TMEM239: variants seen among roughly 807,000 people sequenced by gnomAD.
TMEM239 encodes transmembrane protein 239.
In TMEM239, 10 loss-of-function variants were observed where a neutral mutation model predicts 14.6. The observed-to-expected ratio is 0.68, with a 90% CI of 0.42 to 1.16. The LOEUF is 1.16. Ranked by LOEUF, TMEM239 falls within the 50% of genes most tolerant of loss-of-function variation. The pLI is 0.00. For synonymous variants in TMEM239, 94 were observed against 89.9 expected, an observed-to-expected ratio of 1.05 and a Z score of -0.26; for missense variants, 183 against 194.4, an observed-to-expected ratio of 0.94 and a Z score of 0.35.
At position 2,817,342 on chromosome 20, in the gene TMEM239, A is replaced by AC; in HGVS notation, c.*329_*330insC. ...ATGATACCCGTGGGGCCCCCTTGGC[A>AC]ACTGACAGCATCTTTTTCTCATAGC... On this transcript the variant is annotated 3_prime_UTR_variant, in exon 2 of 2. Coordinates refer to ENST00000380585, the MANE Select transcript of TMEM239 (RefSeq NM_001167670.3). The AC allele has an allele frequency of 9.6e-5, 48 of 499,128 alleles. No homozygotes were observed. Among genetic ancestry groups the AC allele is most frequent in the Admixed American group, 3.2e-4 (9 of 27,872 alleles). The allele number at this position is 499,128 out of a possible 1,614,324, so 30.9% of individuals were successfully genotyped here.
chr20:2,816,395 G>A lies in TMEM239; in HGVS notation c.-32G>A. 6.5e-7 allele frequency: 1 copy of A among 1,535,876 alleles called. No homozygotes were observed. The highest frequency in any genetic ancestry group is 8.7e-7 in the Non-Finnish European group (1 of 1,146,860). ...TCCTGGGCGCTGCAGGAAGCAACAT[G>A]ACTTAGGTAACTGCCCAGAGGTAAG... On this transcript the variant is annotated 5_prime_UTR_variant, in exon 1 of 2. The change abolishes an upstream ATG in the 5' untranslated region. Coordinates refer to ENST00000380585, the MANE Select transcript of TMEM239 (RefSeq NM_001167670.3).
rs1331325224 is a variant in TMEM239 at position 2,817,444 on chromosome 20, T to C, written c.*431T>C. 1 of 258,050 alleles carries C rather than the reference T, an allele frequency of 3.9e-6. No individual in the cohort carries two copies. The highest frequency in any genetic ancestry group is 7.4e-6 in the Non-Finnish European group (1 of 134,468). The allele number at this position is 258,050 out of a possible 1,614,324, so 16.0% of individuals were successfully genotyped here. On this transcript the variant is annotated 3_prime_UTR_variant, in exon 2 of 2. Transcript: ENST00000380585. ...CTGGCCTTGCCATTCCTCCCACCAATCCCCTCTTTCCACTTCCAGGAGAAC... is the reference window on the plus strand; with the variant it reads ...CTGGCCTTGCCATTCCTCCCACCAACCCCCTCTTTCCACTTCCAGGAGAAC...
downstream of TMEM239, chr20:2,818,906 G>A (rs2088702419): frequency 6.6e-6 from 1 of 152,308 alleles, no homozygotes; most frequent in Non-Finnish European, 1.5e-5. Flanking sequence ...GAGAAGTCAG[G>A]CCCAGGATAG....
In TMEM239 at chr20:2,816,912, T is replaced by G; in HGVS notation, c.358T>G (p.Phe120Val). ...LVLSALPALLFTASFLLLFST... is the reference protein window; with the variant it reads ...LVLSALPALLVTASFLLLFST... ...GCTCAGTGCTCTGCCTGCCCTCCTC[T>G]TCACGGCCTCCTTCCTGCTGCTCTT... The change falls in exon 2 of 2, where the codon TTC (phenylalanine) becomes GTC (valine). Residue 120 changes from phenylalanine to valine, a missense_variant. Coordinates refer to ENST00000380585, the MANE Select transcript of TMEM239 (RefSeq NM_001167670.3). The G allele has an allele frequency of 6.5e-7, 1 of 1,540,606 alleles. No homozygotes were observed. The highest frequency in any genetic ancestry group is 8.7e-7 in the Non-Finnish European group (1 of 1,147,054).
In TMEM239 at chr20:2,816,524, G is replaced by C; in HGVS notation, c.-11-20G>C. On this transcript the variant is annotated intron_variant, in intron 1 of 1. Coordinates refer to ENST00000380585, the MANE Select transcript of TMEM239 (RefSeq NM_001167670.3). ...CCCCCAAGGTCCCAGGCATCTTCAA[G>C]ACCCTGGCCCTCTCCCCAGGTGCAC... is the stretch of plus-strand genomic sequence containing the variant. 1 of 1,038,632 alleles carries C rather than the reference G, an allele frequency of 9.6e-7. No homozygotes were observed. Among genetic ancestry groups the C allele is most frequent in the Non-Finnish European group, 1.3e-6 (1 of 765,532 alleles). 64.3% of individuals were successfully genotyped at this position (1,038,632 alleles called of 1,614,324 possible).
At chr20:2,818,155 G>C (rs2088698191), downstream of TMEM239, 1 of 152,230 alleles carries the variant, frequency 6.6e-6, no homozygotes, top group South Asian at 2.1e-4. Context: ...GGACAGCACA[G>C]CCCCAGGGTT....
upstream of TMEM239, among the ~76,000 whole-genome samples, chr20:2,816,147 C>A (rs2088665887): frequency 6.6e-6 from 1 of 152,132 alleles, no homozygotes; most frequent in African/African-American, 2.4e-5. Flanking sequence ...GGACAGGGAT[C>A]CAGGGAGGGC....
At position 2,816,868 on chromosome 20, in the gene TMEM239, C is replaced by G. The variant is rs1028623079; in HGVS notation, c.314C>G (p.Pro105Arg). The change falls in exon 2 of 2, where the codon CCG (proline) becomes CGG (arginine). Residue 105 changes from proline (P) to arginine (R), a missense_variant. Pro to Arg is a moderately radical substitution (Grantham distance 103). Coordinates refer to ENST00000380585, the MANE Select transcript of TMEM239 (RefSeq NM_001167670.3). Reference protein sequence around the residue: ...VVAAVWRHLLPALLLLVLSAL... With the variant: ...VVAAVWRHLLRALLLLVLSAL... Reference sequence around the variant, plus strand: ...GCCGCGGTGTGGCGCCACCTGCTACCGGCTCTCCTGCTGCTGGTGCTCAGT... The same window carrying G: ...GCCGCGGTGTGGCGCCACCTGCTACGGGCTCTCCTGCTGCTGGTGCTCAGT... The G allele has an allele frequency of 9.1e-6, 14 of 1,545,506 alleles. No individual in the cohort carries two copies. Among genetic ancestry groups the G allele is most frequent in the Non-Finnish European group, 7.8e-6 (9 of 1,147,006 alleles).
rs545606140 is a variant in TMEM239 at position 2,816,844 on chromosome 20, C to T, written c.290C>T (p.Ala97Val). 7.3e-5 allele frequency: 113 copies of T among 1,548,828 alleles called. 1 individual carries two copies. In the South Asian group the frequency reaches 1.2e-3, roughly 17 times the overall value. Reference protein sequence around the residue: ...HLLSSLWPVVAAVWRHLLPAL... With the variant: ...HLLSSLWPVVVAVWRHLLPAL... Reference sequence around the variant, plus strand: ...CTGAGCTCCTTGTGGCCTGTCGTGGCCGCGGTGTGGCGCCACCTGCTACCG... The same window carrying T: ...CTGAGCTCCTTGTGGCCTGTCGTGGTCGCGGTGTGGCGCCACCTGCTACCG... Residue 97 changes from alanine to valine, a missense_variant, in exon 2 of 2, where the codon GCC (alanine) becomes GTC (valine). Coordinates refer to ENST00000380585, the MANE Select transcript of TMEM239 (RefSeq NM_001167670.3).
Position 2,816,915 on chromosome 20 carries a change from A to T in TMEM239, c.361A>T (p.Thr121Ser), listed in dbSNP as rs1262823756. ...CAGTGCTCTGCCTGCCCTCCTCTTC[A>T]CGGCCTCCTTCCTGCTGCTCTTCTC... The part of the protein sequence containing the change: ...VLSALPALLF[T>S]ASFLLLFSTL... Residue 121 changes from threonine to serine, a missense_variant, in exon 2 of 2, where the codon ACG becomes TCG. Coordinates refer to ENST00000380585, the MANE Select transcript of TMEM239 (RefSeq NM_001167670.3). 1 of 1,539,716 alleles carries T rather than the reference A, an allele frequency of 6.5e-7. No individual in the cohort carries two copies. Among genetic ancestry groups the T allele is most frequent in the South Asian group, 1.2e-5 (1 of 84,032 alleles).
At chr20:2,819,632 C>A (rs1179057456), downstream of TMEM239, 1 of 143,634 alleles carries the variant, frequency 7.0e-6, no homozygotes, top group Non-Finnish European at 1.5e-5. Flanking sequence ...GGCTGGAGTG[C>A]AGTGGTGCAA....
At chr20:2,819,118 A>G (rs1450286676), downstream of TMEM239, 3 of 152,358 alleles carry the variant, frequency 2.0e-5, no homozygotes, top group Admixed American at 1.3e-4. Flanking sequence ...TCAGGATCCC[A>G]TGTGGTGAGG....
chr20:2,816,314 C>T (rs1301548129), upstream of TMEM239: 3 of 1,535,244 alleles, frequency 2.0e-6, no homozygotes, highest in Middle Eastern at 1.7e-4. Flanking sequence ...AAAGGGGCTC[C>T]TCTGGGGAGG....
At chr20:2,818,097 C>T (rs1243470100), downstream of TMEM239, 1 of 152,222 alleles carries the variant, frequency 6.6e-6, no homozygotes, top group Non-Finnish European at 1.5e-5. Flanking sequence ...TTATGAAATG[C>T]TTGGGCCTGG....
intron 1 of TMEM239, 44 bp from the exon 2 acceptor site, chr20:2,816,500 C>CG (rs1555793482): frequency 2.0e-6 from 3 of 1,526,728 alleles, no homozygotes; most frequent in South Asian, 2.4e-5. Context: ...TGCCCCCCCC[C>CG]CCCAAGGTCC....
chr20:2,816,853 G>C lies in TMEM239; in HGVS notation c.299G>C (p.Trp100Ser), dbSNP rs1283283617. ...SSLWPVVAAV[W>S]RHLLPALLLL... ...TTGTGGCCTGTCGTGGCCGCGGTGT[G>C]GCGCCACCTGCTACCGGCTCTCCTG... The change falls in exon 2 of 2, where the codon TGG (tryptophan) becomes TCG (serine). Residue 100 changes from tryptophan (W) to serine (S), a missense_variant. Physicochemically the swap from Trp to Ser is radical, Grantham distance 177. Coordinates refer to ENST00000380585, the MANE Select transcript of TMEM239 (RefSeq NM_001167670.3). 4.5e-6 allele frequency: 7 copies of C among 1,547,376 alleles called. No individual in the cohort carries two copies. The African/African-American group carries it at 9.6e-5, about 21-fold the overall frequency.
chr20:2,819,119 T>C (rs1005602385), downstream of TMEM239: 1 of 152,278 alleles, frequency 6.6e-6, no homozygotes. Context: ...CAGGATCCCA[T>C]GTGGTGAGGG....
chr20:2,818,038 G>A lies in TMEM239; in HGVS notation c.*1025G>A, dbSNP rs909174549. ...GGTTAAGTGTGTACAAGATGTAAAA[G>A]GTCATGTGCCATGAAATCTCAAAAT... On this transcript the variant is annotated 3_prime_UTR_variant, in exon 2 of 2. Coordinates refer to ENST00000380585, the MANE Select transcript of TMEM239 (RefSeq NM_001167670.3). The A allele has an allele frequency of 2.0e-5, 3 of 152,212 alleles. No individual in the cohort carries two copies. The highest frequency in any genetic ancestry group is 4.8e-5 in the African/African-American group (2 of 41,444). 9.4% of individuals were successfully genotyped at this position (152,212 alleles called of 1,614,324 possible). A position where few individuals can be genotyped will look rare whatever the true frequency, so the allele number is the denominator to read the frequency against.
Position 2,816,527 on chromosome 20 carries a change from C to G in TMEM239, c.-11-17C>G. On this transcript the variant is annotated splice_polypyrimidine_tract_variant and intron_variant, in intron 1 of 1. Coordinates refer to ENST00000380585, the MANE Select transcript of TMEM239 (RefSeq NM_001167670.3). The stretch of plus-strand genomic sequence containing the variant: ...CCAAGGTCCCAGGCATCTTCAAGAC[C>G]CTGGCCCTCTCCCCAGGTGCACCAG... The G allele has an allele frequency of 6.5e-7, 1 of 1,528,586 alleles. No individual in the cohort carries two copies. The highest frequency in any genetic ancestry group is 1.7e-4 in the Middle Eastern group (1 of 5,884). 94.7% of individuals were successfully genotyped at this position (1,528,586 alleles called of 1,614,324 possible).
Sources: gnomAD v4.1 joint callset for allele counts (sites outside exome capture counted in the v4.1 genomes callset) on GRCh38, gnomAD v4.1.1 for gene constraint, MANE v1.5 for transcripts, NCBI Gene and HGNC (gene_info 2026-07-23, HGNC 2026-07-21) for gene names.